The following TTC39A variants were observed in gnomAD, a reference collection of about 807,000 sequenced individuals.
The protein encoded by TTC39A is tetratricopeptide repeat domain 39A, also known as tetratricopeptide repeat protein 39A.
In TTC39A, 46 loss-of-function variants were observed where a neutral mutation model predicts 82.3. That is an observed-to-expected ratio of 0.56 (90% CI 0.44 to 0.71). The LOEUF (loss-of-function observed/expected upper bound fraction) is 0.71, where lower values mean the gene tolerates loss of function less well. Among genes scored for constraint, TTC39A ranks in the 30% least tolerant of loss-of-function variants. TTC39A has a pLI of 0.00. For synonymous variants in TTC39A, 254 were observed against 275.2 expected (o/e 0.92, Z 0.76); for missense variants, 543 against 712.9 (o/e 0.76, Z 2.71).
chr1:51,302,154 A>G (rs994636264), intron 11 of TTC39A: 6 of 751,998 alleles, frequency 8.0e-6, no homozygotes, highest in South Asian at 1.5e-5. Flanking sequence ...CCCAGGCACC[A>G]CAAATGCCTC....
chr1:51,305,428 T>G (rs1472516921), intron 7 of TTC39A: 2 of 386,328 alleles, frequency 5.2e-6, no homozygotes, highest in East Asian at 1.2e-4. Context: ...CCTCCCTTGA[T>G]CAGGCAGTTT....
chr1:51,337,461 C>T (rs1031166226), intron 1 of TTC39A, among the ~76,000 whole-genome samples: 1 of 143,538 alleles, frequency 7.0e-6, no homozygotes, highest in East Asian at 2.0e-4. Flanking sequence ...GAGTCTCACT[C>T]TGTCACCCAG....
At chr1:51,323,517 CCTT>C (rs1223902625) in intron 1 of TTC39A, among the ~76,000 whole-genome samples, 2 of 152,178 alleles carry the variant, frequency 1.3e-5, no homozygotes, top group East Asian at 1.9e-4. Context: ...ACTCTTTCCA[CCTT>C]CTTCTCTCTT....
At chr1:51,326,893 G>A (rs1645730609) in intron 1 of TTC39A, among the ~76,000 whole-genome samples, 1 of 152,220 alleles carries the variant, frequency 6.6e-6, no homozygotes, top group South Asian at 2.1e-4. Flanking sequence ...CAGAGGAGAG[G>A]GACGCGGAGA....
chr1:51,316,886 C>T (rs1645306434), intron 2 of TTC39A, among the ~76,000 whole-genome samples: 1 of 152,168 alleles, frequency 6.6e-6, no homozygotes, highest in Non-Finnish European at 1.5e-5. Flanking sequence ...GGGCAAACCA[C>T]ACACACAGCA....
At chr1:51,333,592 A>T (rs1645938783), upstream of TTC39A, among the ~76,000 whole-genome samples, 1 of 152,194 alleles carries the variant, frequency 6.6e-6, no homozygotes, top group Non-Finnish European at 1.5e-5. Flanking sequence ...TTCAGTTCAG[A>T]TGTCACCTCT....
chr1:51,288,295 C>T lies in TTC39A; in HGVS notation c.1611-15G>A, dbSNP rs377736121. On this transcript the variant is annotated splice_polypyrimidine_tract_variant and intron_variant, in intron 17 of 17. Coordinates refer to ENST00000680483, the MANE Select transcript of TTC39A (RefSeq NM_001297663.2). The surrounding 1 kb of genome is among the most constrained non-coding windows in gnomAD (Gnocchi z 4.8). ...TGTAGTTTTGCCTGGAATTGAGCAGCGAATCAGACACATGAGGCTGCCTGC... is the reference window on the plus strand; with the variant it reads ...TGTAGTTTTGCCTGGAATTGAGCAGTGAATCAGACACATGAGGCTGCCTGC... 5.3e-5 allele frequency: 86 copies of T among 1,613,786 alleles called. 2 individuals are homozygous for T. In the African/African-American group the frequency reaches 7.1e-4, roughly 13 times the overall value.
At position 51,288,334 on chromosome 1, in the gene TTC39A, T is replaced by C. The variant is rs1296985141; in HGVS notation, c.1611-54A>G. On this transcript the variant is annotated intron_variant, in intron 17 of 17. Coordinates refer to ENST00000680483, the MANE Select transcript of TTC39A (RefSeq NM_001297663.2). This position sits in a 1 kb window ranked among gnomAD's most constrained non-coding sequence, Gnocchi z 4.8. ...GAGGCTGCCTGCTCCCAGAGATGCT[T>C]TTCCTCCTGTTTGAGCTGTATGAGC... The C allele has an allele frequency of 9.3e-6, 15 of 1,611,244 alleles. No individual in the cohort carries two copies. The Admixed American group carries it at 2.2e-4, about 23-fold the overall frequency.
In TTC39A at chr1:51,321,029, C is replaced by T. The variant is rs1486142444; in HGVS notation, c.146+692G>A. Among the ~76,000 whole-genome samples, 1 of 152,072 alleles carries T rather than the reference C, an allele frequency of 6.6e-6. No homozygotes were observed. The highest frequency in any genetic ancestry group is 2.4e-5 in the African/African-American group (1 of 41,410). On this transcript the variant is annotated intron_variant, in intron 2 of 17. Coordinates refer to ENST00000680483, the MANE Select transcript of TTC39A (RefSeq NM_001297663.2). The surrounding 1 kb of genome is among the most constrained non-coding windows in gnomAD (Gnocchi z 4.6). ...CTGGGATTACAGGCACACACCACCA[C>T]ACCCAGCTAATTTTTTATATTTTTG... is the stretch of plus-strand genomic sequence containing the variant.
chr1:51,319,862 T>C (rs932536860), intron 2 of TTC39A, among the ~76,000 whole-genome samples: 1 of 152,002 alleles, frequency 6.6e-6, no homozygotes, highest in African/African-American at 2.4e-5. Context: ...GGCTAATTTT[T>C]GTATTTTTAG....
intron 1 of TTC39A, among the ~76,000 whole-genome samples, chr1:51,343,455 C>G (rs1646061478): frequency 6.6e-6 from 1 of 152,228 alleles, no homozygotes; most frequent in African/African-American, 2.4e-5. Context: ...ACTCTCCCTC[C>G]TTTCTTCTCA....
chr1:51,331,363 A>T (rs1645908323), upstream of TTC39A: 1 of 1,491,252 alleles, frequency 6.7e-7, no homozygotes, highest in Non-Finnish European at 8.9e-7. Flanking sequence ...CCACTGGCCC[A>T]TGAAGAGTTA....
chr1:51,310,019 T>C (rs1436532933), intron 5 of TTC39A, among the ~76,000 whole-genome samples: 3 of 151,014 alleles, frequency 2.0e-5, no homozygotes, highest in Non-Finnish European at 4.4e-5. Context: ...AAAAAAAAAA[T>C]AGAGTAGGGC....
Position 51,303,202 on chromosome 1 carries a change from T to TG in TTC39A, c.655-11dup. 1 of 433,750 alleles carries TG rather than the reference T, an allele frequency of 2.3e-6. No individual in the cohort carries two copies. Among genetic ancestry groups the TG allele is most frequent in the Non-Finnish European group, 4.7e-6 (1 of 214,146 alleles). 26.9% of individuals were successfully genotyped at this position (433,750 alleles called of 1,614,324 possible). On this transcript the variant is annotated splice_polypyrimidine_tract_variant and intron_variant, in intron 8 of 17. Coordinates refer to ENST00000680483, the MANE Select transcript of TTC39A (RefSeq NM_001297663.2). ...GCAGCAGCCCATAGTCCTGAGGGGA[T>TG]GGGAGGGTGGGTGAGGCTCCCAGAG...
intron 1 of TTC39A, among the ~76,000 whole-genome samples, chr1:51,336,982 A>AC (rs112304929): frequency 0.064 from 9,760 of 151,822 alleles, 1,009 homozygotes; most frequent in African/African-American, 0.22. Flanking sequence ...ACATAGTGAA[A>AC]CCCCCGTCTC....
In TTC39A at chr1:51,301,689, C is replaced by G. The variant is rs1160471281; in HGVS notation, c.936G>C (p.Trp312Cys). ...FEECCEAQQH[W>C]KQFHHMCYWE... ...AGTAGCACATGTGGTGGAACTGCTT[C>G]CAGTGCTGCTGGGCCTCACAGCACT... is the stretch of plus-strand genomic sequence containing the variant. The change falls in exon 12 of 18, where the codon TGG (tryptophan) becomes TGC (cysteine). Residue 312 changes from tryptophan (W) to cysteine (C), a missense_variant. By Grantham distance (215) the Trp-to-Cys change is radical. Coordinates refer to ENST00000680483, the MANE Select transcript of TTC39A (RefSeq NM_001297663.2). The G allele has an allele frequency of 6.2e-7, 1 of 1,613,220 alleles. No individual in the cohort carries two copies. Among genetic ancestry groups the G allele is most frequent in the Admixed American group, 1.7e-5 (1 of 60,024 alleles).
At chr1:51,302,445 G>A (rs1230075058) in intron 10 of TTC39A, 29 bp from the exon 11 acceptor site, 5 of 1,606,342 alleles carry the variant, frequency 3.1e-6, no homozygotes, top group Non-Finnish European at 4.3e-6. Flanking sequence ...AAGTCCGTGT[G>A]GGTCCGTGGG....
At position 51,321,610 on chromosome 1, in the gene TTC39A, G is replaced by T; in HGVS notation, c.146+111C>A. On this transcript the variant is annotated intron_variant, in intron 2 of 17. Coordinates refer to ENST00000680483, the MANE Select transcript of TTC39A (RefSeq NM_001297663.2). This position sits in a 1 kb window ranked among gnomAD's most constrained non-coding sequence, Gnocchi z 4.6. ...TATGGGACTTCTCAGAGGTCCTGGT[G>T]ACCCAGAAAGCCAAAGGCATTTAGT... 1 of 971,738 alleles carries T rather than the reference G, an allele frequency of 1.0e-6. No individual in the cohort carries two copies. Among genetic ancestry groups the T allele is most frequent in the Non-Finnish European group, 1.6e-6 (1 of 634,410 alleles). The allele number at this position is 971,738 out of a possible 1,614,324, so 60.2% of individuals were successfully genotyped here. A position where few individuals can be genotyped will look rare whatever the true frequency, so the allele number is the denominator to read the frequency against.
chr1:51,313,029 C>T, intron 2 of TTC39A, 86 bp from the exon 3 acceptor site: 6 of 1,541,102 alleles, frequency 3.9e-6, no homozygotes, highest in Non-Finnish European at 5.3e-6. Flanking sequence ...CACCCTCCTC[C>T]ATTCTGCAGT....
Sources: gnomAD v4.1 joint callset for allele counts (sites outside exome capture counted in the v4.1 genomes callset) on GRCh38, gnomAD v4.1.1 for gene constraint, Gnocchi (gnomAD v3.1) non-coding constraint, MANE v1.5 for transcripts, NCBI Gene and HGNC (gene_info 2026-07-23, HGNC 2026-07-21) for gene names.